The following SLC25A48 variants were observed in gnomAD, a reference collection of about 807,000 sequenced individuals.
SLC25A48 encodes the protein solute carrier family 25 member 48.
A neutral mutation model predicts 32.2 loss-of-function variants in SLC25A48; 29 were observed. That is an observed-to-expected ratio of 0.90 (90% CI 0.67 to 1.23). The LOEUF is 1.23. SLC25A48 is among the 50% of genes most tolerant of loss of function. The pLI, the probability that SLC25A48 is intolerant of heterozygous loss-of-function variation, is 0.00. For missense variants in SLC25A48, 399 were observed against 422.7 expected (o/e 0.94, Z 0.49); for synonymous variants, 164 against 172.3 (o/e 0.95, Z 0.38).
intron 1 of SLC25A48, among the ~76,000 whole-genome samples, chr5:135,620,621 G>T (rs1752304736): frequency 3.3e-5 from 5 of 152,072 alleles, no homozygotes; most frequent in Non-Finnish European, 7.4e-5. Flanking sequence ...GAAAATGCAT[G>T]GCCACTCCTC....
At chr5:135,681,981 C>G (rs1753908300) in intron 3 of SLC25A48, among the ~76,000 whole-genome samples, 1 of 152,112 alleles carries the variant, frequency 6.6e-6, no homozygotes, top group Non-Finnish European at 1.5e-5. Context: ...TAGTTTCTTT[C>G]CATGGATGTG....
At chr5:135,829,468 G>A (rs4466158) in intron 4 of SLC25A48, among the ~76,000 whole-genome samples, 116,047 of 152,032 alleles carry the variant, frequency 0.76, 44,675 homozygotes, top group Middle Eastern at 0.86. Flanking sequence ...AGCTGATATC[G>A]CCGCGGCCCA....
intron 3 of SLC25A48, among the ~76,000 whole-genome samples, chr5:135,672,658 A>G (rs1753682564): frequency 1.3e-5 from 2 of 152,240 alleles, no homozygotes; most frequent in Non-Finnish European, 2.9e-5. Context: ...TGAACACGTA[A>G]CATCCCCTGT....
intron 3 of SLC25A48, among the ~76,000 whole-genome samples, chr5:135,756,396 A>G (rs1755905713): frequency 6.6e-6 from 1 of 152,110 alleles, no homozygotes; most frequent in South Asian, 2.1e-4. Context: ...AATATTAGTA[A>G]AATATCGACC....
At chr5:135,650,874 A>C (rs1753095739) in intron 3 of SLC25A48, among the ~76,000 whole-genome samples, 1 of 152,086 alleles carries the variant, frequency 6.6e-6, no homozygotes, top group African/African-American at 2.4e-5. Context: ...TTATTGATCA[A>C]GAGCTTTGTT....
intron 3 of SLC25A48, among the ~76,000 whole-genome samples, chr5:135,802,422 A>G (rs1757353510): frequency 6.6e-6 from 1 of 151,672 alleles, no homozygotes; most frequent in Non-Finnish European, 1.5e-5. Context: ...ACCTTGTGAT[A>G]TTATTTATAA....
chr5:135,733,600 G>A (rs34983275), intron 3 of SLC25A48, among the ~76,000 whole-genome samples: 42,054 of 151,978 alleles, frequency 0.28, 6,044 homozygotes, highest in East Asian at 0.45. Flanking sequence ...TTAAGGCAGC[G>A]GCAGCCGCCA....
At chr5:135,646,969 A>G (rs1752978645) in intron 3 of SLC25A48, among the ~76,000 whole-genome samples, 1 of 151,936 alleles carries the variant, frequency 6.6e-6, no homozygotes, top group Admixed American at 6.6e-5. Flanking sequence ...ATTGTATACT[A>G]TATTGTACAC....
At chr5:135,607,964 A>T (rs1751977589) in intron 1 of SLC25A48, among the ~76,000 whole-genome samples, 1 of 152,232 alleles carries the variant, frequency 6.6e-6, no homozygotes, top group African/African-American at 2.4e-5. Flanking sequence ...TCATTCTTAA[A>T]GTGGAGACTA....
At chr5:135,834,490 C>T (rs1294601186), upstream of SLC25A48, among the ~76,000 whole-genome samples, 1 of 152,264 alleles carries the variant, frequency 6.6e-6, no homozygotes, top group Non-Finnish European at 1.5e-5. Context: ...GGCGCTGAGG[C>T]TCTGAAGTTG....
intron 3 of SLC25A48, among the ~76,000 whole-genome samples, chr5:135,801,549 CT>C (rs888268210): frequency 2.0e-5 from 3 of 150,978 alleles, no homozygotes; most frequent in African/African-American, 7.3e-5. Flanking sequence ...GATATTACTT[CT>C]TCTTATTAGA....
chr5:135,665,320 A>G (rs555530490), intron 3 of SLC25A48, among the ~76,000 whole-genome samples: 1 of 152,070 alleles, frequency 6.6e-6, no homozygotes, highest in East Asian at 1.9e-4. Flanking sequence ...GATTCTGGAT[A>G]CTAGTCCTTT....
intron 3 of SLC25A48, among the ~76,000 whole-genome samples, chr5:135,684,709 T>C (rs545220907): frequency 1.3e-5 from 2 of 152,328 alleles, no homozygotes; most frequent in South Asian, 2.1e-4. Context: ...AGCACATGTA[T>C]GTTGCTTTTT....
At chr5:135,847,763 T>C (rs1282867095) in intron 2 of SLC25A48, among the ~76,000 whole-genome samples, 1 of 152,114 alleles carries the variant, frequency 6.6e-6, no homozygotes, top group Non-Finnish European at 1.5e-5. Context: ...CACATTCTCC[T>C]CAAGAGCCTC....
chr5:135,579,311 A>G (rs1300522603), exon 1 of SLC25A48: 1 of 158,434 alleles, frequency 6.3e-6, no homozygotes, highest in Non-Finnish European at 1.4e-5. Context: ...TGGGGAGCCC[A>G]GACGGTGGAG....
chr5:135,593,173 G>C (rs1751567289), intron 1 of SLC25A48, among the ~76,000 whole-genome samples: 1 of 152,114 alleles, frequency 6.6e-6, no homozygotes, highest in Non-Finnish European at 1.5e-5. Flanking sequence ...CCTCCTTTCT[G>C]ATTGACCAGT....
intron 3 of SLC25A48, among the ~76,000 whole-genome samples, chr5:135,760,892 C>A (rs1756046015): frequency 6.6e-6 from 1 of 152,106 alleles, no homozygotes; most frequent in Admixed American, 6.6e-5. Flanking sequence ...AAAATAAGAA[C>A]CTATGTCAAG....
chr5:135,872,951 C>T (rs1279705939), intron 5 of SLC25A48, among the ~76,000 whole-genome samples: 2 of 152,200 alleles, frequency 1.3e-5, no homozygotes, highest in Non-Finnish European at 2.9e-5. Context: ...TCAGTCAGTA[C>T]CGACTGGCAG....
At chr5:135,713,770 A>G (rs56168481) in intron 3 of SLC25A48, among the ~76,000 whole-genome samples, 1 of 151,928 alleles carries the variant, frequency 6.6e-6, no homozygotes, top group African/African-American at 2.4e-5. Flanking sequence ...GTGGAATGAC[A>G]CTCCTACTCT....
Sources: gnomAD v4.1 joint callset for allele counts (sites outside exome capture counted in the v4.1 genomes callset) on GRCh38, gnomAD v4.1.1 for gene constraint, MANE v1.5 for transcripts, NCBI Gene and HGNC (gene_info 2026-07-23, HGNC 2026-07-21) for gene names.